DACH1: variants seen among roughly 807,000 people sequenced by gnomAD.
The protein encoded by DACH1 is dachshund homolog 1.
Under a neutral mutation model 54.2 loss-of-function variants are expected in DACH1, and 12 were observed. The observed-to-expected ratio is 0.22, with a 90% confidence interval of 0.14 to 0.36. The LOEUF is 0.36. DACH1 is among the 10% of genes least tolerant of loss of function. DACH1 has a pLI of 1.00. For missense variants in DACH1, 805 were observed against 929.8 expected, an observed-to-expected ratio of 0.87 and a Z score of 1.75; for synonymous variants, 386 against 366.2, an observed-to-expected ratio of 1.05 and a Z score of -0.62.
At chr13:71,550,492 G>A (rs906742440) in intron 6 of DACH1, among the ~76,000 whole-genome samples, 11 of 152,116 alleles carry the variant, frequency 7.2e-5, no homozygotes, top group Admixed American at 2.6e-4. Context: ...TCAGTGTGAC[G>A]TGATGGTCAT....
intron 1 of DACH1, among the ~76,000 whole-genome samples, chr13:71,855,090 T>G (rs1873914484): frequency 1.3e-5 from 2 of 152,100 alleles, no homozygotes; most frequent in Admixed American, 1.3e-4. Flanking sequence ...TGTAATATTT[T>G]TCCTCTATTC....
At chr13:71,503,308 A>G (rs1880066565) in intron 6 of DACH1, among the ~76,000 whole-genome samples, 1 of 152,158 alleles carries the variant, frequency 6.6e-6, no homozygotes, top group African/African-American at 2.4e-5. Flanking sequence ...TGCAGCCTCA[A>G]TGCCTGGCAC....
rs144122675 is a variant in DACH1, at chr13:71,770,167, A to G, written c.849-88257T>C. ...AAAAGTTTAAAAGATTATAACCTGAACTTGGCAGATATGCACTTTCATTAC... is the reference window on the plus strand; with the variant it reads ...AAAAGTTTAAAAGATTATAACCTGAGCTTGGCAGATATGCACTTTCATTAC... On this transcript the variant is annotated intron_variant, in intron 1 of 10. Transcript: ENST00000613252. 3.2e-3 allele frequency among the ~76,000 whole-genome samples: 480 copies of G among 151,820 alleles called. 1 individual carries two copies. Among genetic ancestry groups the G allele is most frequent in the African/African-American group, 0.01 (431 of 41,542 alleles).
At chr13:71,526,037 A>T (rs1881931001) in intron 6 of DACH1, among the ~76,000 whole-genome samples, 1 of 152,176 alleles carries the variant, frequency 6.6e-6, no homozygotes, top group Non-Finnish European at 1.5e-5. Context: ...GCTTCTAAAC[A>T]TTTCAAGGGC....
At chr13:71,444,719 T>C (rs1023023468) in intron 10 of DACH1, among the ~76,000 whole-genome samples, 2 of 152,158 alleles carry the variant, frequency 1.3e-5, no homozygotes, top group African/African-American at 4.8e-5. Flanking sequence ...AATAATTATT[T>C]AAAAGACCCA....
intron 3 of DACH1, among the ~76,000 whole-genome samples, chr13:71,621,807 T>G: frequency 6.6e-6 from 1 of 152,022 alleles, no homozygotes; most frequent in Non-Finnish European, 1.5e-5. Context: ...GGAAACCGTA[T>G]CCGTTTCATT....
rs929229029 is a variant in DACH1, at chr13:71,682,222, G to A, written c.849-312C>T. On this transcript the variant is annotated intron_variant, in intron 1 of 10. Coordinates refer to ENST00000613252, the MANE Select transcript of DACH1 (RefSeq NM_080759.6). ...AAGTTCTGCATGCAGCCTTCAGCAC[G>A]AAAATTATGCACTAACTTGTAATAA... 3.9e-5 allele frequency among the ~76,000 whole-genome samples: 6 copies of A among 152,294 alleles called. No homozygotes were observed. The East Asian group carries it at 7.7e-4, about 20-fold the overall frequency.
chr13:71,834,778 A>G lies in DACH1; in HGVS notation c.848+31144T>C, dbSNP rs368725955. Among the ~76,000 whole-genome samples, 7 of 152,208 alleles carry G rather than the reference A, an allele frequency of 4.6e-5. 1 individual carries two copies. In the South Asian group the frequency reaches 1.4e-3, roughly 32 times the overall value. The stretch of plus-strand genomic sequence containing the variant: ...CGATATTGGGAATAATACCCATTTG[A>G]GATCAAAGAAATCATGTGCACATTT... On this transcript the variant is annotated intron_variant, in intron 1 of 10. Coordinates refer to ENST00000613252, the MANE Select transcript of DACH1 (RefSeq NM_080759.6).
intron 3 of DACH1, among the ~76,000 whole-genome samples, chr13:71,584,980 C>T (rs1566359198): frequency 6.6e-6 from 1 of 152,028 alleles, no homozygotes; most frequent in Non-Finnish European, 1.5e-5. Context: ...TGCATTTAAA[C>T]TTTGTAATAC....
intron 1 of DACH1, among the ~76,000 whole-genome samples, chr13:71,784,768 C>T (rs1335136781): frequency 6.6e-6 from 1 of 152,110 alleles, no homozygotes; most frequent in Non-Finnish European, 1.5e-5. Flanking sequence ...TGATCCATTT[C>T]TTGACCTATT....
At chr13:71,816,565 T>C (rs1336082755) in intron 1 of DACH1, among the ~76,000 whole-genome samples, 1 of 147,530 alleles carries the variant, frequency 6.8e-6, no homozygotes, top group African/African-American at 2.5e-5. Flanking sequence ...TACATATATG[T>C]GTGTATATAT....
At chr13:71,712,113 T>C (rs1882748173) in intron 1 of DACH1, among the ~76,000 whole-genome samples, 1 of 152,114 alleles carries the variant, frequency 6.6e-6, no homozygotes, top group African/African-American at 2.4e-5. Context: ...TAAAAAATGA[T>C]ACAGGATTTT....
intron 2 of DACH1, among the ~76,000 whole-genome samples, chr13:71,670,618 AAACT>A (rs2138675181): frequency 6.6e-6 from 1 of 152,232 alleles, no homozygotes; most frequent in African/African-American, 2.4e-5. Context: ...ATAGCTTGAC[AAACT>A]AAGACTTCCT....
chr13:71,642,797 G>A (rs1000404953), intron 2 of DACH1, among the ~76,000 whole-genome samples: 1 of 152,120 alleles, frequency 6.6e-6, no homozygotes, highest in Non-Finnish European at 1.5e-5. Context: ...GAGGCGAGCA[G>A]ATCACTTGAG....
At chr13:71,646,443 T>A (rs1232830598) in intron 2 of DACH1, among the ~76,000 whole-genome samples, 1 of 151,922 alleles carries the variant, frequency 6.6e-6, no homozygotes, top group Non-Finnish European at 1.5e-5. Context: ...AAGTTACTAA[T>A]AAGGAAAAAG....
intron 10 of DACH1, among the ~76,000 whole-genome samples, chr13:71,469,036 T>C (rs772322431): frequency 4.6e-5 from 7 of 152,270 alleles, no homozygotes; most frequent in Non-Finnish European, 1.0e-4. Context: ...GGTTATCTTA[T>C]AAAAGGGACA....
At chr13:71,779,214 TATACGTATATAC>T (rs1886238523) in intron 1 of DACH1, among the ~76,000 whole-genome samples, 1 of 109,648 alleles carries the variant, frequency 9.1e-6, no homozygotes, top group African/African-American at 4.4e-5. Context: ...TGTGTATATA[TATACGTATATAC>T]GTATATATAC....
chr13:71,852,306 T>C (rs1275830170), intron 1 of DACH1, among the ~76,000 whole-genome samples: 1 of 151,934 alleles, frequency 6.6e-6, no homozygotes, highest in African/African-American at 2.4e-5. Context: ...GTGTAATCAA[T>C]GAGGGAGAAA....
intron 1 of DACH1, among the ~76,000 whole-genome samples, chr13:71,854,633 CA>C (rs35287759): frequency 0.078 from 11,879 of 152,018 alleles, 1,274 homozygotes; most frequent in East Asian, 0.56. Context: ...ATCACCATTA[CA>C]AAAGTCAGAT....
Sources: gnomAD v4.1 joint callset for allele counts (sites outside exome capture counted in the v4.1 genomes callset) on GRCh38, gnomAD v4.1.1 for gene constraint, MANE v1.5 for transcripts, NCBI Gene and HGNC (gene_info 2026-07-23, HGNC 2026-07-21) for gene names.